Variants in GNAL observed in about 807,000 individuals in gnomAD.
GNAL encodes guanine nucleotide-binding protein G(olf) subunit alpha.
In GNAL, 18 loss-of-function variants were observed where a neutral mutation model predicts 55.1. That is an observed-to-expected ratio of 0.33 (90% confidence interval 0.23 to 0.48). The LOEUF is 0.48. Among genes scored for constraint, GNAL ranks in the 20% least tolerant of loss-of-function variants. The pLI is 0.99. For missense variants in GNAL, 412 were observed against 614.1 expected (o/e 0.67, Z 3.48); for synonymous variants, 253 against 237.0 (o/e 1.07, Z -0.62).
At chr18:11,851,327 C>G (rs1475626108) in intron 5 of GNAL, 1 of 692,202 alleles carries the variant, frequency 1.4e-6, no homozygotes, top group African/African-American at 1.8e-5. Flanking sequence ...CCCACCCCGG[C>G]GCCTTCCGTC....
At chr18:11,764,982 A>T (rs1024043673) in intron 4 of GNAL, among the ~76,000 whole-genome samples, 1 of 152,218 alleles carries the variant, frequency 6.6e-6, no homozygotes, top group Non-Finnish European at 1.5e-5. Flanking sequence ...AAATCAGTTG[A>T]TGTTCCTTAT....
At chr18:11,709,605 T>C (rs2031791908) in intron 1 of GNAL, among the ~76,000 whole-genome samples, 1 of 152,146 alleles carries the variant, frequency 6.6e-6, no homozygotes. Flanking sequence ...TTTCAGATAG[T>C]TCATTGTTTG....
intron 5 of GNAL, chr18:11,852,027 G>T (rs759746944): frequency 5.0e-6 from 8 of 1,613,682 alleles, no homozygotes; most frequent in South Asian, 4.4e-5. Flanking sequence ...CGCAGGGCCA[G>T]ACCGGCTCCG....
At chr18:11,821,450 G>C (rs2035086798) in intron 4 of GNAL, among the ~76,000 whole-genome samples, 1 of 152,214 alleles carries the variant, frequency 6.6e-6, no homozygotes, top group Non-Finnish European at 1.5e-5. Flanking sequence ...TTCCAGTTTT[G>C]TGAGAGTTAA....
intron 4 of GNAL, among the ~76,000 whole-genome samples, chr18:11,757,393 G>A (rs1449915376): frequency 6.6e-6 from 1 of 152,158 alleles, no homozygotes; most frequent in Non-Finnish European, 1.5e-5. Context: ...AGATCACTCT[G>A]GCTGTGGATG....
intron 4 of GNAL, among the ~76,000 whole-genome samples, chr18:11,760,495 G>T (rs2033205977): frequency 6.6e-6 from 1 of 152,202 alleles, no homozygotes; most frequent in South Asian, 2.1e-4. Context: ...CTTGTGTCTG[G>T]CATGGAAGGA....
intron 4 of GNAL, among the ~76,000 whole-genome samples, chr18:11,754,180 C>G (rs1340564882): frequency 6.6e-6 from 1 of 152,020 alleles, no homozygotes; most frequent in Non-Finnish European, 1.5e-5. Context: ...TTTGGGAGGC[C>G]GAGGCGGGCA....
At chr18:11,765,452 T>A (rs1285501237) in intron 4 of GNAL, among the ~76,000 whole-genome samples, 1 of 152,226 alleles carries the variant, frequency 6.6e-6, no homozygotes, top group Admixed American at 6.5e-5. Flanking sequence ...TATTTTGAAA[T>A]ATACAATAAA....
intron 5 of GNAL, chr18:11,852,401 A>C (rs1293046408): frequency 5.5e-6 from 2 of 362,968 alleles, no homozygotes; most frequent in East Asian, 1.1e-4. Flanking sequence ...TCTGGTCAAA[A>C]CTGTATTCAG....
At chr18:11,785,189 C>T (rs897695674) in intron 4 of GNAL, among the ~76,000 whole-genome samples, 4 of 152,020 alleles carry the variant, frequency 2.6e-5, no homozygotes, top group Admixed American at 2.6e-4. Context: ...GATTTCATCC[C>T]AGTGGAATTT....
intron 4 of GNAL, among the ~76,000 whole-genome samples, chr18:11,788,857 A>G (rs2034132164): frequency 1.4e-5 from 2 of 141,808 alleles, no homozygotes; most frequent in Non-Finnish European, 1.5e-5. Flanking sequence ...AGATCACACC[A>G]CTGCACTCCA....
intron 4 of GNAL, among the ~76,000 whole-genome samples, chr18:11,783,948 G>C (rs1195503398): frequency 6.6e-6 from 1 of 152,226 alleles, no homozygotes; most frequent in Non-Finnish European, 1.5e-5. Context: ...GGGGAGGAAA[G>C]GCACAGGCCA....
At chr18:11,866,275 G>T (rs1474109187) in intron 7 of GNAL, among the ~76,000 whole-genome samples, 3 of 150,398 alleles carry the variant, frequency 2.0e-5, no homozygotes, top group Admixed American at 2.0e-4. Context: ...TGCCCCACGT[G>T]TGCTAATGTA....
At chr18:11,790,992 T>TAA (rs2034220806) in intron 4 of GNAL, among the ~76,000 whole-genome samples, 1 of 73,060 alleles carries the variant, frequency 1.4e-5, no homozygotes, top group African/African-American at 3.2e-5. Context: ...ATTCCAATAC[T>TAA]TAATTTAAGA....
At chr18:11,839,483 T>G (rs1344847385) in intron 5 of GNAL, among the ~76,000 whole-genome samples, 1 of 143,524 alleles carries the variant, frequency 7.0e-6, no homozygotes, top group African/African-American at 2.6e-5. Flanking sequence ...GAGTCTAGAG[T>G]TTGAGGCTGC....
At chr18:11,851,441 G>A in intron 5 of GNAL, 1 of 1,455,972 alleles carries the variant, frequency 6.9e-7, no homozygotes, top group Non-Finnish European at 9.0e-7. Flanking sequence ...GCCGGGAGCG[G>A]ACTTACCTTA....
intron 4 of GNAL, among the ~76,000 whole-genome samples, chr18:11,805,537 G>C (rs577439848): frequency 2.8e-4 from 43 of 152,102 alleles, no homozygotes; most frequent in Non-Finnish European, 5.1e-4. Context: ...AGTCTCCTGT[G>C]TCCATCATTC....
At chr18:11,707,793 T>G (rs1027019336) in intron 1 of GNAL, among the ~76,000 whole-genome samples, 1 of 152,238 alleles carries the variant, frequency 6.6e-6, no homozygotes, top group Non-Finnish European at 1.5e-5. Context: ...TGATCTTAGC[T>G]AGATCTTCTG....
intron 5 of GNAL, among the ~76,000 whole-genome samples, chr18:11,835,855 G>A (rs752866714): frequency 1.6e-4 from 25 of 152,136 alleles, no homozygotes; most frequent in Admixed American, 5.9e-4. Context: ...TATTTAAGAC[G>A]TGCGTCCCAC....
Sources: allele counts gnomAD v4.1 joint callset (sites outside exome capture counted in the v4.1 genomes callset), GRCh38; gene constraint gnomAD v4.1.1; transcripts MANE v1.5; gene names NCBI Gene and HGNC (gene_info 2026-07-23, HGNC 2026-07-21).